Variants in FMO2 observed in about 807,000 individuals in gnomAD.
The protein encoded by FMO2 is flavin containing dimethylaniline monoxygenase 2.
FMO2 carries 33 observed loss-of-function variants against 41.6 expected under a neutral mutation model. The observed-to-expected ratio is 0.79, with a 90% CI of 0.60 to 1.06. FMO2 has a LOEUF of 1.06. FMO2 is among the 50% of genes least tolerant of loss of function. The pLI, the probability that FMO2 is intolerant of heterozygous loss-of-function variation, is 0.00. For synonymous variants in FMO2, 214 were observed against 219.6 expected, an observed-to-expected ratio of 0.97 and a Z score of 0.23; for missense variants, 619 against 632.9, an observed-to-expected ratio of 0.98 and a Z score of 0.23.
chr1:171,196,388 T>G (rs1229597187), intron 3 of FMO2, among the ~76,000 whole-genome samples: 1 of 152,214 alleles, frequency 6.6e-6, no homozygotes, highest in Non-Finnish European at 1.5e-5. Flanking sequence ...GCACACATCA[T>G]GAGAACCCGC....
Position 171,203,947 on chromosome 1 carries a change from C to T in FMO2, c.710C>T (p.Thr237Ile), listed in dbSNP as rs1658645433. The change falls in exon 6 of 9, where the codon ACC becomes ATC. Residue 237 changes from threonine (T) to isoleucine (I), a missense_variant. Thr to Ile is a moderately conservative substitution (Grantham distance 89, BLOSUM62 -1). Transcript: ENST00000209929. ...DGYPWDSVFHTRFRSMLRNVL... is the reference protein window; with the variant it reads ...DGYPWDSVFHIRFRSMLRNVL... ...TATCCTTGGGACTCAGTGTTCCACA[C>T]CCGGTTTCGTTCTATGCTCCGCAAT... 1 of 1,613,606 alleles carries T rather than the reference C, an allele frequency of 6.2e-7. No homozygotes were observed. Among genetic ancestry groups the T allele is most frequent in the Non-Finnish European group, 8.5e-7 (1 of 1,179,774 alleles).
intron 8 of FMO2, 142 bp from the exon 9 acceptor site, chr1:171,208,652 C>T (rs1658858692): frequency 5.4e-6 from 4 of 746,186 alleles, no homozygotes; most frequent in Non-Finnish European, 8.6e-6. Context: ...GTATGATAAA[C>T]TCAAACTTTC....
intron 8 of FMO2, 105 bp downstream of exon 8, chr1:171,207,895 G>A: frequency 1.3e-6 from 1 of 743,022 alleles, no homozygotes. Context: ...GCAAATTTCT[G>A]GGCTATAGCC....
rs1175554264 is a variant in FMO2, at chr1:171,210,546, C to T, written c.*1401C>T. Reference sequence around the variant, plus strand: ...AATAGACAAACATCTCCTAAGGGAACATTTGTTACAGCTGCTCCTTCCCTG... The same window carrying T: ...AATAGACAAACATCTCCTAAGGGAATATTTGTTACAGCTGCTCCTTCCCTG... On this transcript the variant is annotated 3_prime_UTR_variant, in exon 9 of 9. Coordinates refer to ENST00000209929, the MANE Select transcript of FMO2 (RefSeq NM_001460.5). 1.3e-5 allele frequency: 2 copies of T among 152,338 alleles called. No individual in the cohort carries two copies. The highest frequency in any genetic ancestry group is 4.8e-5 in the African/African-American group (2 of 41,586). The allele number at this position is 152,338 out of a possible 1,614,324, so 9.4% of individuals were successfully genotyped here.
intron 2 of FMO2, among the ~76,000 whole-genome samples, chr1:171,189,781 C>T (rs1658007329): frequency 6.6e-6 from 1 of 150,832 alleles, no homozygotes. Context: ...GGGATTACAG[C>T]CTTGTGCCAC....
At chr1:171,208,630 A>G (rs149324331) in intron 8 of FMO2, among the ~76,000 whole-genome samples, 164 bp from the exon 9 acceptor site, 1 of 152,320 alleles carries the variant, frequency 6.6e-6, no homozygotes, top group African/African-American at 2.4e-5. Flanking sequence ...AATCTGAGAT[A>G]TGAGCCTCCT....
intron 2 of FMO2, among the ~76,000 whole-genome samples, chr1:171,190,275 A>T (rs1048240252): frequency 6.6e-6 from 1 of 152,204 alleles, no homozygotes; most frequent in Non-Finnish European, 1.5e-5. Context: ...TAAATTCTAA[A>T]TAAGTGCTAT....
At chr1:171,195,172 G>A (rs1016377521) in intron 3 of FMO2, among the ~76,000 whole-genome samples, 1 of 152,184 alleles carries the variant, frequency 6.6e-6, no homozygotes, top group Non-Finnish European at 1.5e-5. Flanking sequence ...GGGTTGGGAA[G>A]AAAGGTTTCT....
chr1:171,198,930 TCTCA>T (rs962937944), intron 4 of FMO2, among the ~76,000 whole-genome samples: 2 of 150,986 alleles, frequency 1.3e-5, no homozygotes, highest in Non-Finnish European at 3.0e-5. Flanking sequence ...GTTGTGACAG[TCTCA>T]CTCTGTCACC....
At chr1:171,186,054 A>G (rs1657834764) in intron 2 of FMO2, 1 of 420,306 alleles carries the variant, frequency 2.4e-6, no homozygotes, top group Non-Finnish European at 4.3e-6. Flanking sequence ...TGACCCAGGC[A>G]TGTAAAAGAT....
Position 171,208,719 on chromosome 1 carries a change from G to T in FMO2, c.1257-75G>T, listed in dbSNP as rs28369911. ...ATTCACTCATTCCTTCATTCCTTTA[G>T]CAGTTTTGAATGCCTAATATTCTAG... On this transcript the variant is annotated intron_variant, in intron 8 of 8. Transcript: ENST00000209929. 2,679 of 1,336,872 alleles carry T rather than the reference G, an allele frequency of 2.0e-3. 37 individuals carry two copies. The highest frequency in any genetic ancestry group is 0.016 in the African/African-American group (1,112 of 68,514). 82.8% of individuals were successfully genotyped at this position (1,336,872 alleles called of 1,614,324 possible). A position where few individuals can be genotyped will look rare whatever the true frequency, so the allele number is the denominator to read the frequency against.
intron 2 of FMO2, among the ~76,000 whole-genome samples, chr1:171,187,641 A>T (rs1011550049): frequency 6.6e-6 from 1 of 151,538 alleles, no homozygotes; most frequent in Non-Finnish European, 1.5e-5. Context: ...AAAAAAAAAA[A>T]AAAAAAAAAA....
Position 171,193,340 on chromosome 1 carries a change from T to G in FMO2, c.138T>G (p.Asn46Lys), listed in dbSNP as rs777593834. Residue 46 changes from asparagine (N) to lysine (K), a missense_variant, in exon 3 of 9, where the codon AAT (asparagine) becomes AAG (lysine). Physicochemically the swap from Asn to Lys is moderately conservative, Grantham distance 94. Transcript: ENST00000209929. ...DIGGVWRFKE[N>K]VEDGRASIYQ... The stretch of plus-strand genomic sequence containing the variant: ...TATTTTATTTGATCCTTCAGGAGAA[T>G]GTGGAAGATGGCCGAGCAAGTATCT... 6.3e-7 allele frequency: 1 copy of G among 1,595,826 alleles called. No homozygotes were observed. Among genetic ancestry groups the G allele is most frequent in the Non-Finnish European group, 8.5e-7 (1 of 1,172,270 alleles).
intron 4 of FMO2, among the ~76,000 whole-genome samples, 167 bp downstream of exon 4, chr1:171,196,978 A>G (rs1207941542): frequency 1.3e-5 from 2 of 152,182 alleles, no homozygotes; most frequent in Non-Finnish European, 2.9e-5. Flanking sequence ...CTTTGTTTCT[A>G]TTGGCCTCTG....
At chr1:171,196,348 G>A (rs949344171) in intron 3 of FMO2, among the ~76,000 whole-genome samples, 1 of 152,192 alleles carries the variant, frequency 6.6e-6, no homozygotes, top group African/African-American at 2.4e-5. Context: ...CTTTGTGTAA[G>A]GTGGTGGTTT....
At chr1:171,200,424 T>A (rs550429537) in intron 5 of FMO2, among the ~76,000 whole-genome samples, 22 of 152,202 alleles carry the variant, frequency 1.4e-4, no homozygotes, top group Non-Finnish European at 2.9e-5. Context: ...CAAGAAGGCC[T>A]GAACCAGATG....
At chr1:171,193,212 A>T in intron 2 of FMO2, 123 bp from the exon 3 acceptor site, 1 of 650,252 alleles carries the variant, frequency 1.5e-6, no homozygotes. Context: ...TTACCTAAAC[A>T]TTGTCGTCAC....
chr1:171,186,105 T>C (rs909921795), intron 2 of FMO2: 1 of 282,898 alleles, frequency 3.5e-6, no homozygotes, highest in Non-Finnish European at 6.7e-6. Context: ...AGCCCATACT[T>C]CTGTCATTCT....
chr1:171,198,018 C>T (rs10912542), intron 4 of FMO2, among the ~76,000 whole-genome samples: 78,352 of 152,080 alleles, frequency 0.52, 21,397 homozygotes, highest in African/African-American at 0.68. Flanking sequence ...ATTAAGACAG[C>T]AGCTCTGGCA....
Sources: allele counts gnomAD v4.1 joint callset (sites outside exome capture counted in the v4.1 genomes callset), GRCh38; gene constraint gnomAD v4.1.1; transcripts MANE v1.5; gene names NCBI Gene and HGNC (gene_info 2026-07-23, HGNC 2026-07-21).